RGS7: variants seen among roughly 807,000 people sequenced by gnomAD.
The protein encoded by RGS7 is regulator of G protein signaling 7.
In RGS7, 27 loss-of-function variants were observed where a neutral mutation model predicts 81.1. The ratio of observed to expected loss-of-function variants is 0.33; its 90% CI spans 0.25 to 0.46. RGS7 has a LOEUF of 0.46. Among genes scored for constraint, RGS7 ranks in the 20% least tolerant of loss-of-function variants. The probability of loss-of-function intolerance (pLI) is 1.00; values close to 1 mark genes in which losing one functional copy is unlikely to be tolerated. For missense variants in RGS7, 396 were observed against 607.4 expected (o/e 0.65, Z 3.66); for synonymous variants, 208 against 207.7 (o/e 1.00, Z -0.01).
At chr1:240,963,758 G>A (rs1342928494) in intron 4 of RGS7, among the ~76,000 whole-genome samples, 1 of 152,218 alleles carries the variant, frequency 6.6e-6, no homozygotes, top group Non-Finnish European at 1.5e-5. Flanking sequence ...TAGCTAGCGT[G>A]GACCATGAAT....
intron 9 of RGS7, among the ~76,000 whole-genome samples, chr1:240,831,691 A>G (rs1693877905): frequency 6.7e-6 from 1 of 148,190 alleles, no homozygotes; most frequent in Non-Finnish European, 1.5e-5. Context: ...GCTGGAGTGC[A>G]ATGGCGCAAT....
chr1:241,228,975 A>T (rs2075486705), intron 2 of RGS7, among the ~76,000 whole-genome samples: 1 of 152,132 alleles, frequency 6.6e-6, no homozygotes, highest in Non-Finnish European at 1.5e-5. Context: ...TAATAGCAGC[A>T]GCAGCTGAGT....
chr1:241,153,563 A>AG (rs2068904464), intron 2 of RGS7, among the ~76,000 whole-genome samples: 3 of 152,246 alleles, frequency 2.0e-5, no homozygotes. Context: ...TCCCCAACAG[A>AG]GGGGGGCTTG....
intron 2 of RGS7, among the ~76,000 whole-genome samples, chr1:241,318,926 A>AT (rs924878062): frequency 2.0e-4 from 30 of 151,892 alleles, no homozygotes; most frequent in Admixed American, 1.6e-3. Context: ...ACGACACTTA[A>AT]TTTTTTTTTA....
At chr1:241,110,492 A>C (rs2065436049) in intron 2 of RGS7, among the ~76,000 whole-genome samples, 2 of 152,210 alleles carry the variant, frequency 1.3e-5, no homozygotes, top group African/African-American at 4.8e-5. Context: ...AAATACCTAA[A>C]GACAACCATT....
intron 4 of RGS7, among the ~76,000 whole-genome samples, chr1:240,972,206 A>G (rs971678112): frequency 6.6e-6 from 1 of 152,188 alleles, no homozygotes; most frequent in Non-Finnish European, 1.5e-5. Context: ...GCAAAAGCAG[A>G]ATCCAGGTCT....
intron 2 of RGS7, among the ~76,000 whole-genome samples, chr1:241,255,566 G>A (rs768314895): frequency 4.0e-5 from 6 of 150,558 alleles, no homozygotes; most frequent in African/African-American, 9.7e-5. Context: ...AACCAAGTGA[G>A]GGGGGTAAAG....
chr1:241,014,209 T>G (rs1276429047), intron 3 of RGS7, among the ~76,000 whole-genome samples: 3 of 152,220 alleles, frequency 2.0e-5, no homozygotes, highest in African/African-American at 7.2e-5. Context: ...ATTTTCTACA[T>G]TTTATTGAAT....
chr1:240,889,757 TAG>T (rs1350462028), intron 6 of RGS7, among the ~76,000 whole-genome samples: 8 of 152,250 alleles, frequency 5.3e-5, no homozygotes, highest in Admixed American at 5.2e-4. Flanking sequence ...CTTATCTAAC[TAG>T]AGATCAGTCT....
At chr1:240,915,731 T>C (rs540359823) in intron 6 of RGS7, among the ~76,000 whole-genome samples, 10 of 151,986 alleles carry the variant, frequency 6.6e-5, no homozygotes, top group African/African-American at 2.4e-4. Context: ...AAAACACAGT[T>C]TGAAGAGTCA....
chr1:240,810,573 A>G (rs1474700261), intron 14 of RGS7, among the ~76,000 whole-genome samples: 4 of 149,288 alleles, frequency 2.7e-5, no homozygotes, highest in African/African-American at 9.9e-5. Context: ...CAGCCTCCCC[A>G]GTAGCTGGCA....
intron 2 of RGS7, among the ~76,000 whole-genome samples, chr1:241,254,274 T>C (rs910323378): frequency 6.0e-5 from 9 of 149,294 alleles, no homozygotes; most frequent in Non-Finnish European, 8.9e-5. Context: ...AATATGGGAG[T>C]AGTTTGAAGA....
At chr1:240,987,893 A>G (rs895461445) in intron 3 of RGS7, among the ~76,000 whole-genome samples, 2 of 152,176 alleles carry the variant, frequency 1.3e-5, no homozygotes, top group Non-Finnish European at 2.9e-5. Flanking sequence ...CATTTTTCCA[A>G]CATTATTCTT....
At chr1:241,309,808 G>C (rs568564662) in intron 2 of RGS7, among the ~76,000 whole-genome samples, 1 of 152,330 alleles carries the variant, frequency 6.6e-6, no homozygotes, top group Admixed American at 6.5e-5. Flanking sequence ...GCAAATGTTA[G>C]AATTAATCTC....
At chr1:241,071,785 G>C (rs1372673257) in intron 3 of RGS7, among the ~76,000 whole-genome samples, 2 of 146,122 alleles carry the variant, frequency 1.4e-5, no homozygotes, top group Admixed American at 7.0e-5. Flanking sequence ...GAGATGGGAG[G>C]ATCCCTTGGG....
chr1:241,085,421 C>A (rs1051960772), intron 3 of RGS7, among the ~76,000 whole-genome samples: 3 of 151,470 alleles, frequency 2.0e-5, no homozygotes, highest in African/African-American at 7.3e-5. Flanking sequence ...TTCTCTCTCA[C>A]ACTCTATTTA....
intron 3 of RGS7, among the ~76,000 whole-genome samples, chr1:240,995,994 G>T (rs1472573176): frequency 2.6e-5 from 4 of 151,260 alleles, no homozygotes; most frequent in African/African-American, 9.7e-5. Flanking sequence ...TCCACAAATT[G>T]ACATGTTACA....
intron 4 of RGS7, among the ~76,000 whole-genome samples, chr1:240,970,799 A>T (rs1264328445): frequency 1.3e-5 from 2 of 152,136 alleles, no homozygotes; most frequent in African/African-American, 4.8e-5. Flanking sequence ...AGCCTGGCCA[A>T]CATGGTGAAA....
chr1:240,937,957 T>G (rs1481427713), intron 4 of RGS7, among the ~76,000 whole-genome samples: 1 of 152,216 alleles, frequency 6.6e-6, no homozygotes, highest in Non-Finnish European at 1.5e-5. Context: ...TGCCAACAAT[T>G]TCTTCCAACA....
Sources: gnomAD v4.1 joint callset for allele counts (sites outside exome capture counted in the v4.1 genomes callset) on GRCh38, gnomAD v4.1.1 for gene constraint, MANE v1.5 for transcripts, NCBI Gene and HGNC (gene_info 2026-07-23, HGNC 2026-07-21) for gene names.